NPAS3: variants seen among roughly 807,000 people sequenced by gnomAD.
NPAS3 encodes the protein neuronal PAS domain protein 3, also known as neuronal PAS domain-containing protein 3.
A neutral mutation model predicts 73.1 loss-of-function variants in NPAS3; 14 were observed. That is an observed-to-expected ratio of 0.19 (90% CI 0.13 to 0.30). NPAS3 has a LOEUF of 0.30. Among genes scored for constraint, NPAS3 ranks in the 10% least tolerant of loss-of-function variants. NPAS3 has a pLI of 1.00. For synonymous variants in NPAS3, 620 were observed against 541.5 expected (o/e 1.14, Z -2.01); for missense variants, 1,096 against 1,250.0 (o/e 0.88, Z 1.86).
chr14:33,482,081 G>A (rs921697032), intron 4 of NPAS3, among the ~76,000 whole-genome samples: 9 of 146,078 alleles, frequency 6.2e-5, no homozygotes, highest in Admixed American at 2.7e-4. Context: ...TAAGATACCC[G>A]TGCAACCTCA....
chr14:33,756,692 T>C (rs2062125575), intron 7 of NPAS3, among the ~76,000 whole-genome samples: 1 of 152,206 alleles, frequency 6.6e-6, no homozygotes, highest in African/African-American at 2.4e-5. Flanking sequence ...TTGAGAACTT[T>C]GTGAGCTTTC....
intron 2 of NPAS3, among the ~76,000 whole-genome samples, chr14:33,159,893 C>A (rs73270548): frequency 0.016 from 2,427 of 152,098 alleles, 39 homozygotes; most frequent in African/African-American, 0.043. Flanking sequence ...CTATAACACC[C>A]GTAAGAAAAA....
intron 1 of NPAS3, among the ~76,000 whole-genome samples, chr14:33,022,620 G>A (rs762778671): frequency 4.0e-4 from 56 of 140,686 alleles, no homozygotes; most frequent in Admixed American, 1.5e-4. Flanking sequence ...AGCCGAGATC[G>A]CGCCACCGCA....
chr14:33,151,955 G>A (rs1043661061), intron 2 of NPAS3, among the ~76,000 whole-genome samples: 47 of 152,100 alleles, frequency 3.1e-4, no homozygotes, highest in Admixed American at 2.2e-3. Flanking sequence ...GATATATTAC[G>A]TATACATCTT....
At chr14:33,611,338 C>T (rs550878714) in intron 5 of NPAS3, among the ~76,000 whole-genome samples, 1 of 152,282 alleles carries the variant, frequency 6.6e-6, no homozygotes, top group South Asian at 2.1e-4. Flanking sequence ...ACAGACCATT[C>T]TGTGGTTGTG....
intron 2 of NPAS3, among the ~76,000 whole-genome samples, chr14:33,205,645 G>A (rs561641645): frequency 1.8e-4 from 27 of 152,202 alleles, no homozygotes; most frequent in African/African-American, 5.3e-4. Context: ...TTTAAAAAGG[G>A]GAACCATTTT....
At chr14:33,359,011 C>T (rs1320890269) in intron 3 of NPAS3, among the ~76,000 whole-genome samples, 1 of 152,158 alleles carries the variant, frequency 6.6e-6, no homozygotes, top group African/African-American at 2.4e-5. Flanking sequence ...TGGGCCAATA[C>T]CCCACTGCTT....
chr14:33,634,621 T>C lies in NPAS3; in HGVS notation c.559-41590T>C, dbSNP rs149937987. On this transcript the variant is annotated intron_variant, in intron 5 of 11. Coordinates refer to ENST00000356141, the Ensembl canonical transcript of NPAS3. ...TATGAAGGCAGCAATTCCTAGGAGT[T>C]TGCGATGTGAGGTGGGAGGTACTTT... 6.2e-4 allele frequency among the ~76,000 whole-genome samples: 95 copies of C among 152,168 alleles called. No homozygotes were observed. In the Middle Eastern group the frequency reaches 0.01, roughly 16 times the overall value.
intron 5 of NPAS3, among the ~76,000 whole-genome samples, chr14:33,659,428 A>G (rs77942518): frequency 0.012 from 1,815 of 152,304 alleles, 32 homozygotes; most frequent in African/African-American, 0.041. Flanking sequence ...CATTGTGTCT[A>G]TACAATTAGC....
At chr14:33,070,043 T>A (rs1165801348) in intron 2 of NPAS3, among the ~76,000 whole-genome samples, 4 of 152,176 alleles carry the variant, frequency 2.6e-5, no homozygotes, top group African/African-American at 7.2e-5. Flanking sequence ...CTCTAACACA[T>A]AAAAAAGATC....
chr14:33,461,129 G>C (rs1174834240), intron 4 of NPAS3, among the ~76,000 whole-genome samples: 1 of 152,046 alleles, frequency 6.6e-6, no homozygotes, highest in Non-Finnish European at 1.5e-5. Context: ...ATTTACTTAG[G>C]GCCTGCGAGG....
chr14:33,133,499 A>G (rs962972835), intron 2 of NPAS3, among the ~76,000 whole-genome samples: 1 of 152,186 alleles, frequency 6.6e-6, no homozygotes, highest in African/African-American at 2.4e-5. Flanking sequence ...CAACTACTGT[A>G]ACTTCCCAAC....
At chr14:33,398,062 T>C (rs2047298378) in intron 4 of NPAS3, among the ~76,000 whole-genome samples, 1 of 152,120 alleles carries the variant, frequency 6.6e-6, no homozygotes, top group Non-Finnish European at 1.5e-5. Flanking sequence ...GAAACATTCT[T>C]CTCCTTTCTC....
In NPAS3 at chr14:33,275,060, G is replaced by A. The variant is rs150537914; in HGVS notation, c.385+59634G>A. Among the ~76,000 whole-genome samples, 163 of 152,262 alleles carry A rather than the reference G, an allele frequency of 1.1e-3. No homozygotes were observed. In the East Asian group the frequency reaches 0.013, roughly 12 times the overall value. Reference sequence around the variant, plus strand: ...TCTCTGAATTTACAAATGTGCATGTGAGAAAACATGCTTCTCTTTAAAGAT... The same window carrying A: ...TCTCTGAATTTACAAATGTGCATGTAAGAAAACATGCTTCTCTTTAAAGAT... On this transcript the variant is annotated intron_variant, in intron 3 of 11. Coordinates refer to ENST00000356141, the Ensembl canonical transcript of NPAS3.
intron 1 of NPAS3, among the ~76,000 whole-genome samples, chr14:32,943,292 A>G (rs2036105737): frequency 2.0e-5 from 3 of 152,274 alleles, no homozygotes; most frequent in Non-Finnish European, 1.5e-5. Flanking sequence ...TGTAATTAAT[A>G]TCTCAGCAAT....
At chr14:33,211,569 G>A (rs2047036022) in intron 2 of NPAS3, among the ~76,000 whole-genome samples, 1 of 152,076 alleles carries the variant, frequency 6.6e-6, no homozygotes, top group South Asian at 2.1e-4. Flanking sequence ...ATCCCAAAAT[G>A]ACAGACATTA....
At chr14:33,491,609 T>C (rs10151807) in intron 4 of NPAS3, among the ~76,000 whole-genome samples, 1,920 of 152,272 alleles carry the variant, frequency 0.013, 54 homozygotes, top group African/African-American at 0.043. Flanking sequence ...TCTAGTATCA[T>C]AATCACAAAA....
At chr14:33,389,191 T>C (rs1233809971) in intron 4 of NPAS3, among the ~76,000 whole-genome samples, 1 of 152,230 alleles carries the variant, frequency 6.6e-6, no homozygotes, top group African/African-American at 2.4e-5. Flanking sequence ...TAAACGATCA[T>C]TATTAAATCA....
Position 33,661,110 on chromosome 14 carries a change from A to G in NPAS3, c.559-15101A>G, listed in dbSNP as rs1425147912. The stretch of plus-strand genomic sequence containing the variant: ...GATCAGTAAAAGGAAAAAAAAAAAA[A>G]AAAAGACAGCCGGCAAACTGTCTAT... On this transcript the variant is annotated intron_variant, in intron 5 of 11. Transcript: ENST00000356141. Among the ~76,000 whole-genome samples, 6 of 152,002 alleles carry G rather than the reference A, an allele frequency of 3.9e-5. 1 individual carries two copies. In the South Asian group the frequency reaches 1.0e-3, roughly 26 times the overall value.
Sources: allele counts gnomAD v4.1 joint callset (sites outside exome capture counted in the v4.1 genomes callset), GRCh38; gene constraint gnomAD v4.1.1; transcripts MANE v1.5; gene names NCBI Gene and HGNC (gene_info 2026-07-23, HGNC 2026-07-21).